The following TCF20 variants were observed in gnomAD, a reference collection of about 807,000 sequenced individuals.
TCF20 encodes the protein SPRE-binding protein.
TCF20 carries 3 observed loss-of-function variants against 148.6 expected under a neutral mutation model. The ratio of observed to expected loss-of-function variants is 0.02; its 90% confidence interval spans 0.01 to 0.05. The LOEUF (loss-of-function observed/expected upper bound fraction) is 0.05. Ranked by LOEUF, TCF20 falls within the 10% of genes least tolerant of loss-of-function variation. The probability of loss-of-function intolerance (pLI) is 1.00; values close to 1 mark genes in which losing one functional copy is unlikely to be tolerated. For missense variants in TCF20, 2,350 were observed against 2,429.3 expected (o/e 0.97, Z 0.69); for synonymous variants, 1,049 against 909.5 (o/e 1.15, Z -2.76).
intron 1 of TCF20, among the ~76,000 whole-genome samples, chr22:42,265,064 C>T (rs772838125): frequency 7.9e-5 from 12 of 152,210 alleles, no homozygotes; most frequent in Non-Finnish European, 1.5e-4. Flanking sequence ...CACGGATATA[C>T]CAGCTAACTC....
intron 1 of TCF20, among the ~76,000 whole-genome samples, chr22:42,238,544 G>C (rs1924086980): frequency 6.6e-6 from 1 of 152,188 alleles, no homozygotes; most frequent in Admixed American, 6.5e-5. Flanking sequence ...CTTGGCTTTT[G>C]ACATGCCTTC....
intron 2 of TCF20, among the ~76,000 whole-genome samples, chr22:42,184,924 C>T (rs545815694): frequency 6.6e-6 from 1 of 152,316 alleles, no homozygotes; most frequent in South Asian, 2.1e-4. Context: ...AACCTTTCAC[C>T]AGACTTTGTC....
At chr22:42,196,052 G>A (rs1937589604) in intron 2 of TCF20, among the ~76,000 whole-genome samples, 1 of 152,198 alleles carries the variant, frequency 6.6e-6, no homozygotes, top group East Asian at 1.9e-4. Context: ...GCTTAGCTGG[G>A]CATTTGCATA....
At chr22:42,187,656 A>G (rs985389925) in intron 2 of TCF20, among the ~76,000 whole-genome samples, 1 of 152,204 alleles carries the variant, frequency 6.6e-6, no homozygotes, top group Non-Finnish European at 1.5e-5. Flanking sequence ...TTGTGCCCAT[A>G]AGGTGGGACC....
chr22:42,280,220 G>A (rs988293126), intron 1 of TCF20, among the ~76,000 whole-genome samples: 3 of 152,216 alleles, frequency 2.0e-5, no homozygotes, highest in African/African-American at 7.2e-5. Flanking sequence ...GAGCAGTGGC[G>A]GGCCTGAGAG....
chr22:42,168,661 G>A lies in TCF20; in HGVS notation c.5875C>T (p.Arg1959Trp), dbSNP rs766893951. 43 of 1,604,534 alleles carry A rather than the reference G, an allele frequency of 2.7e-5. No individual in the cohort carries two copies. Among genetic ancestry groups the A allele is most frequent in the Non-Finnish European group, 3.2e-5 (38 of 1,175,796 alleles). The change falls in exon 5 of 6, where the codon CGG becomes TGG. Residue 1959 changes from arginine to tryptophan, a missense_variant. Around this residue, in one of 7 missense-constraint regions of TCF20, gnomAD observed 67 missense variants for 60.8 expected, o/e 1.10. Coordinates refer to ENST00000677622, the MANE Select transcript of TCF20 (RefSeq NM_001378418.1). ...CGAGCACACTGCCCCCCTCACCCCC[G>A]CTCCGACTGCTCTGTGCTGAGGCTG... ...KGSLSTEQSE[R>W]G
At chr22:42,250,780 G>T (rs1044238502) in intron 1 of TCF20, among the ~76,000 whole-genome samples, 69 of 152,200 alleles carry the variant, frequency 4.5e-4, no homozygotes, top group African/African-American at 1.5e-3. Flanking sequence ...AAAGAAAAGA[G>T]ATTTAATTGG....
Position 42,161,211 on chromosome 22 carries a change from T to G in TCF20, c.*192A>C. On this transcript the variant is annotated 3_prime_UTR_variant, in exon 6 of 6. Coordinates refer to ENST00000677622, the MANE Select transcript of TCF20 (RefSeq NM_001378418.1). ...CTTTCTTTCCTGTGGTGTCACTGGT[T>G]TGAGTGTGATGTGAGAACTTAAGGA... 1 of 1,099,548 alleles carries G rather than the reference T, an allele frequency of 9.1e-7. No homozygotes were observed. Among genetic ancestry groups the G allele is most frequent in the Non-Finnish European group, 1.3e-6 (1 of 749,916 alleles). 68.1% of individuals were successfully genotyped at this position (1,099,548 alleles called of 1,614,324 possible). A position where few individuals can be genotyped will look rare whatever the true frequency, so the allele number is the denominator to read the frequency against.
intron 3 of TCF20, among the ~76,000 whole-genome samples, chr22:42,177,699 C>T (rs912673415): frequency 6.6e-6 from 1 of 152,190 alleles, no homozygotes; most frequent in African/African-American, 2.4e-5. Flanking sequence ...ATGTATACAA[C>T]GTACTGTGAT....
chr22:42,305,775 G>A (rs1328059708), intron 1 of TCF20, among the ~76,000 whole-genome samples: 2 of 151,998 alleles, frequency 1.3e-5, no homozygotes, highest in Non-Finnish European at 1.5e-5. Flanking sequence ...CCCCGTGGCT[G>A]GGAGATCCCT....
chr22:42,173,970 G>C (rs1020901076), intron 3 of TCF20, among the ~76,000 whole-genome samples: 1 of 152,130 alleles, frequency 6.6e-6, no homozygotes, highest in African/African-American at 2.4e-5. Context: ...ACCAAGATGG[G>C]CCCCAAAACA....
intron 1 of TCF20, among the ~76,000 whole-genome samples, chr22:42,242,838 G>A (rs1425453866): frequency 6.6e-6 from 1 of 152,096 alleles, no homozygotes; most frequent in Non-Finnish European, 1.5e-5. Context: ...AGTGAGTGGA[G>A]ATCGCACCAC....
intron 2 of TCF20, among the ~76,000 whole-genome samples, chr22:42,185,917 A>T (rs1312032883): frequency 6.6e-6 from 1 of 152,206 alleles, no homozygotes; most frequent in Non-Finnish European, 1.5e-5. Flanking sequence ...AAGGCTTCCC[A>T]GTCAACCTCA....
chr22:42,332,134 A>G (rs183674217), intron 1 of TCF20, among the ~76,000 whole-genome samples: 32 of 152,344 alleles, frequency 2.1e-4, no homozygotes, highest in African/African-American at 7.5e-4. Context: ...TGCATAACAG[A>G]TAACTATTAC....
intron 1 of TCF20, among the ~76,000 whole-genome samples, chr22:42,330,469 G>C (rs752022655): frequency 2.6e-5 from 4 of 152,048 alleles, no homozygotes; most frequent in Non-Finnish European, 4.4e-5. Flanking sequence ...TGGTTGTTCT[G>C]AGCTCAGATG....
At chr22:42,285,857 G>A (rs908534047), upstream of TCF20, among the ~76,000 whole-genome samples, 5 of 151,980 alleles carry the variant, frequency 3.3e-5, no homozygotes, top group African/African-American at 1.2e-4. The surrounding 1 kb of genome is among the most constrained non-coding windows in gnomAD (Gnocchi z 4.2). Flanking sequence ...CACTTCCTGC[G>A]TTACATGAGG....
chr22:42,314,080 AAGGCAGATAC>A (rs1163317265), intron 1 of TCF20, among the ~76,000 whole-genome samples: 4 of 152,202 alleles, frequency 2.6e-5, no homozygotes, highest in Non-Finnish European at 5.9e-5. Context: ...CGCCTGCAAC[AAGGCAGATAC>A]AGGCTCAGCA....
chr22:42,213,302 A>G lies in TCF20; in HGVS notation c.2004T>C (p.Asn668=), dbSNP rs950539122. 1.2e-6 allele frequency: 2 copies of G among 1,614,104 alleles called. No individual in the cohort carries two copies. Among genetic ancestry groups the G allele is most frequent in the South Asian group, 1.1e-5 (1 of 91,076 alleles). ...PGGGGSKGNK[N]GDNNSNHNGE... ...CATTATGGTTGGAGTTGTTATCGCC[A>G]TTCTTGTTTCCTTTGCTCCCTCCTC... Residue 668 remains asparagine (N), a synonymous_variant, in exon 2 of 6, where the codon AAT becomes AAC. Coordinates refer to ENST00000677622, the MANE Select transcript of TCF20 (RefSeq NM_001378418.1).
intron 1 of TCF20, among the ~76,000 whole-genome samples, chr22:42,254,914 G>A (rs144223265): frequency 0.023 from 3,016 of 131,458 alleles, 126 homozygotes; most frequent in African/African-American, 0.082. Context: ...GAGAAGAGAT[G>A]GCACCACTGC....
Sources: gnomAD v4.1 joint callset for allele counts (sites outside exome capture counted in the v4.1 genomes callset) on GRCh38, gnomAD v4.1.1 for gene constraint, gnomAD v4.1.1 regional missense constraint, Gnocchi (gnomAD v3.1) non-coding constraint, MANE v1.5 for transcripts, NCBI Gene and HGNC (gene_info 2026-07-23, HGNC 2026-07-21) for gene names.